FAM114A1: variants seen among roughly 807,000 people sequenced by gnomAD.
FAM114A1 encodes family with sequence similarity 114 member A1, also known as protein NOXP20.
Under a neutral mutation model 64.3 loss-of-function variants are expected in FAM114A1, and 62 were observed. That is an observed-to-expected ratio of 0.96 (90% CI 0.79 to 1.19). The LOEUF (loss-of-function observed/expected upper bound fraction) is 1.19, where lower values mean the gene tolerates loss of function less well. FAM114A1 is among the 50% of genes most tolerant of loss of function. FAM114A1 has a pLI of 0.00. For synonymous variants in FAM114A1, 254 were observed against 251.1 expected (o/e 1.01, Z -0.11); for missense variants, 645 against 676.3 (o/e 0.95, Z 0.51).
intron 4 of FAM114A1, among the ~76,000 whole-genome samples, chr4:38,900,810 T>C (rs77356841): frequency 0.02 from 3,032 of 152,298 alleles, 117 homozygotes; most frequent in African/African-American, 0.068. Context: ...ATAGAGTTTC[T>C]ATTTTATACA....
intron 8 of FAM114A1, among the ~76,000 whole-genome samples, chr4:38,921,348 C>G (rs1413513429): frequency 1.3e-5 from 2 of 152,148 alleles, no homozygotes; most frequent in African/African-American, 4.8e-5. Flanking sequence ...GCCTCAAACT[C>G]CTGGGCTCAA....
Position 38,878,251 on chromosome 4 carries a change from TGC to T in FAM114A1, c.174_175del (p.Gln59GlyfsTer29). On this transcript the variant is annotated frameshift_variant, in exon 3 of 15. Transcript: ENST00000358869. LOFTEE classifies it high-confidence loss of function. ...GGGGAGGGGCATGAAAATGCAGCTG[TGC>T]AGGGTGCAGGGGCTGCCGCCATTGG... 1 of 1,614,216 alleles carries T rather than the reference TGC, an allele frequency of 6.2e-7. No homozygotes were observed. Among genetic ancestry groups the T allele is most frequent in the Non-Finnish European group, 8.5e-7 (1 of 1,180,040 alleles).
chr4:38,883,641 GAATGTTTA>G (rs1306336975), intron 3 of FAM114A1, among the ~76,000 whole-genome samples: 1 of 152,220 alleles, frequency 6.6e-6, no homozygotes, highest in Non-Finnish European at 1.5e-5. Context: ...AGGAGAAGCA[GAATGTTTA>G]AATGCCATAA....
intron 2 of FAM114A1, among the ~76,000 whole-genome samples, chr4:38,872,525 A>G (rs558689399): frequency 1.2e-4 from 18 of 152,350 alleles, no homozygotes; most frequent in Non-Finnish European, 2.4e-4. Flanking sequence ...CTTACAAAGA[A>G]ATAAAAATAT....
chr4:38,922,796 T>C lies in FAM114A1; in HGVS notation c.972T>C (p.Asp324=). 3 of 1,613,206 alleles carry C rather than the reference T, an allele frequency of 1.9e-6. No individual in the cohort carries two copies. The highest frequency in any genetic ancestry group is 2.5e-6 in the Non-Finnish European group (3 of 1,179,810). ...SKVQSFLASL[D]GEKLELLKND... is the part of the protein sequence containing the mutation. ...TTCAGTCATTTTTAGCATCACTTGA[T>C]GGAGAGAAGCTGGAACTCTTAAAAA... is the stretch of plus-strand genomic sequence containing the variant. The change falls in exon 9 of 15, where the codon GAT becomes GAC. Residue 324 remains aspartate, a synonymous_variant. Coordinates refer to ENST00000358869, the MANE Select transcript of FAM114A1 (RefSeq NM_138389.4).
At chr4:38,923,107 G>A (rs1295124509) in intron 9 of FAM114A1, among the ~76,000 whole-genome samples, 1 of 152,088 alleles carries the variant, frequency 6.6e-6, no homozygotes, top group African/African-American at 2.4e-5. Flanking sequence ...GTCCTCTGGT[G>A]TTCGGCACAA....
intron 2 of FAM114A1, among the ~76,000 whole-genome samples, chr4:38,871,388 G>T (rs1579280933): frequency 6.6e-6 from 1 of 151,728 alleles, no homozygotes; most frequent in Admixed American, 6.6e-5. Flanking sequence ...CCTGACCGAT[G>T]ACCATTTTTA....
intron 3 of FAM114A1, among the ~76,000 whole-genome samples, chr4:38,882,684 A>G (rs1206030793): frequency 6.6e-6 from 1 of 152,256 alleles, no homozygotes; most frequent in African/African-American, 2.4e-5. Flanking sequence ...GAAAACGGGC[A>G]GAATAGACTT....
chr4:38,943,762 G>T lies in FAM114A1; in HGVS notation c.*205G>T. ...TGTATAATTGTTTTTACAAACAATT[G>T]TGTTTTCTTTATGTTAATTTAAACT... On this transcript the variant is annotated 3_prime_UTR_variant, in exon 15 of 15. Coordinates refer to ENST00000358869, the MANE Select transcript of FAM114A1 (RefSeq NM_138389.4). 1 of 425,340 alleles carries T rather than the reference G, an allele frequency of 2.4e-6. No individual in the cohort carries two copies. Among genetic ancestry groups the T allele is most frequent in the South Asian group, 4.5e-5 (1 of 22,188 alleles). The allele number at this position is 425,340 out of a possible 1,614,324, so 26.3% of individuals were successfully genotyped here.
At chr4:38,906,277 A>G (rs756899790) in intron 6 of FAM114A1, among the ~76,000 whole-genome samples, 4 of 152,158 alleles carry the variant, frequency 2.6e-5, no homozygotes, top group African/African-American at 4.8e-5. Flanking sequence ...CCGTTACAAG[A>G]CAGGAAAAAC....
chr4:38,872,106 T>C (rs887253884), intron 2 of FAM114A1, among the ~76,000 whole-genome samples: 2 of 152,198 alleles, frequency 1.3e-5, no homozygotes, highest in African/African-American at 2.4e-5. Flanking sequence ...TCATATCCCT[T>C]ATGCTAATTA....
intron 14 of FAM114A1, 95 bp downstream of exon 14, chr4:38,941,116 T>C: frequency 8.9e-7 from 1 of 1,122,284 alleles, no homozygotes; most frequent in Non-Finnish European, 1.3e-6. Context: ...CAGCAAATGT[T>C]ATTGCAATTC....
At chr4:38,885,389 C>A (rs1316030141) in intron 3 of FAM114A1, among the ~76,000 whole-genome samples, 1 of 152,134 alleles carries the variant, frequency 6.6e-6, no homozygotes, top group Admixed American at 6.5e-5. Flanking sequence ...GATCCTCTTG[C>A]TTCACCTTAC....
chr4:38,884,686 G>T (rs1304550274), intron 3 of FAM114A1, among the ~76,000 whole-genome samples: 4 of 152,206 alleles, frequency 2.6e-5, no homozygotes, highest in Non-Finnish European at 5.9e-5. Flanking sequence ...TGAAAATGGT[G>T]TATGAGAACT....
At chr4:38,901,205 G>C (rs1485912006) in intron 4 of FAM114A1, among the ~76,000 whole-genome samples, 1 of 152,146 alleles carries the variant, frequency 6.6e-6, no homozygotes, top group Non-Finnish European at 1.5e-5. Flanking sequence ...GAGCTATCCA[G>C]TCATCCAGGG....
chr4:38,919,030 G>T (rs746995549), intron 8 of FAM114A1, among the ~76,000 whole-genome samples: 1 of 152,078 alleles, frequency 6.6e-6, no homozygotes, highest in Non-Finnish European at 1.5e-5. Context: ...GCACATCCCT[G>T]TAATCTCAGC....
chr4:38,868,978 A>C (rs1332476228), intron 2 of FAM114A1, among the ~76,000 whole-genome samples: 1 of 152,208 alleles, frequency 6.6e-6, no homozygotes, highest in Non-Finnish European at 1.5e-5. Flanking sequence ...GTGCAGAAGG[A>C]ATTTGAGGGT....
intron 8 of FAM114A1, among the ~76,000 whole-genome samples, chr4:38,919,653 G>T (rs1216409522): frequency 2.0e-5 from 3 of 152,154 alleles, no homozygotes; most frequent in African/African-American, 7.2e-5. Flanking sequence ...CCCTCTGAGG[G>T]CTTATTGTCT....
chr4:38,937,799 A>G (rs1015441323), intron 13 of FAM114A1, among the ~76,000 whole-genome samples: 1 of 152,034 alleles, frequency 6.6e-6, no homozygotes, highest in Admixed American at 6.6e-5. Flanking sequence ...CAGTGGCGCG[A>G]TCTTGGCTCA....
Sources: allele counts gnomAD v4.1 joint callset (sites outside exome capture counted in the v4.1 genomes callset), GRCh38; gene constraint gnomAD v4.1.1; transcripts MANE v1.5; gene names NCBI Gene and HGNC (gene_info 2026-07-23, HGNC 2026-07-21).